Variants in PCDH15 observed in about 807,000 individuals in gnomAD.
The protein encoded by PCDH15 is protocadherin-15.
A neutral mutation model predicts 178.5 loss-of-function variants in PCDH15; 129 were observed. The ratio of observed to expected loss-of-function variants is 0.72; its 90% CI spans 0.63 to 0.84. PCDH15 has a LOEUF of 0.84. Ranked by LOEUF, PCDH15 falls within the 40% of genes least tolerant of loss-of-function variation. The pLI is 0.00. For synonymous variants in PCDH15, 800 were observed against 732.0 expected (o/e 1.09, Z -1.50); for missense variants, 2,230 against 2,099.9 (o/e 1.06, Z -1.21).
intron 23 of PCDH15, 30 bp downstream of exon 23, chr10:53,959,702 T>C (rs376878574): frequency 7.3e-5 from 111 of 1,519,476 alleles, no homozygotes; most frequent in Non-Finnish European, 9.6e-5. Context: ...AAACATTTCG[T>C]GTATTTCAAA....
In PCDH15 at chr10:55,214,303, A is replaced by AT. The variant is rs77846351; in HGVS notation, c.-155-47653dup. 2.8e-4 allele frequency among the ~76,000 whole-genome samples: 40 copies of AT among 144,946 alleles called. 1 individual carries two copies. Among genetic ancestry groups the AT allele is most frequent in the African/African-American group, 1.0e-3 (39 of 38,018 alleles). The stretch of plus-strand genomic sequence containing the variant: ...AGTCCAAATTTTATATAGCCTTATC[A>AT]TTTTTTTATTATTATTTTCATAGAC... On this transcript the variant is annotated intron_variant, in intron 1 of 5. Coordinates refer to the PCDH15 transcript ENST00000458638.
intron 1 of PCDH15, among the ~76,000 whole-genome samples, chr10:55,239,942 CA>C (rs1841495245): frequency 6.6e-6 from 1 of 151,916 alleles, no homozygotes. Flanking sequence ...ATATTCATAT[CA>C]AAAAAATTCT....
intron 16 of PCDH15, 139 bp downstream of exon 16, chr10:54,089,845 A>C (rs917720769): frequency 2.9e-6 from 2 of 685,178 alleles, no homozygotes; most frequent in African/African-American, 3.6e-5. Context: ...TTATCCTCCC[A>C]GCTACCATTA....
intron 21 of PCDH15, among the ~76,000 whole-genome samples, chr10:53,975,304 T>C (rs2090095562): frequency 6.6e-6 from 1 of 152,222 alleles, no homozygotes; most frequent in Non-Finnish European, 1.5e-5. Flanking sequence ...TACCCAGTAA[T>C]GGAATTGCTA....
chr10:53,808,337 T>C (rs2075735352), intron 37 of PCDH15: 2 of 511,406 alleles, frequency 3.9e-6, no homozygotes, highest in Admixed American at 6.3e-5. Context: ...TGTGTATATA[T>C]ATATATATAT....
intron 19 of PCDH15, among the ~76,000 whole-genome samples, chr10:54,021,267 G>A (rs1396294786): frequency 6.6e-6 from 1 of 152,036 alleles, no homozygotes; most frequent in Non-Finnish European, 1.5e-5. Flanking sequence ...ACCGAATGGA[G>A]CAAGAATGAA....
intron 3 of PCDH15, among the ~76,000 whole-genome samples, chr10:54,822,258 C>T (rs1246655397): frequency 6.6e-6 from 1 of 152,094 alleles, no homozygotes; most frequent in Admixed American, 6.6e-5. Context: ...TTCCTTTTAA[C>T]TGTATTTCTG....
rs180804907 is a variant in PCDH15, at chr10:54,020,183, A to G, written c.2751+9T>C. ...AAGCAGGCAACCAGAAGTCATCTCTAGCCCTTACCTTTACAATCACTGTGA... is the reference window on the plus strand; with the variant it reads ...AAGCAGGCAACCAGAAGTCATCTCTGGCCCTTACCTTTACAATCACTGTGA... On this transcript the variant is annotated intron_variant, in intron 20 of 37. Transcript: ENST00000644397. 163 of 1,612,516 alleles carry G rather than the reference A, an allele frequency of 1.0e-4. 1 individual carries two copies. The Admixed American group carries it at 1.2e-3, about 12-fold the overall frequency.
intron 13 of PCDH15, among the ~76,000 whole-genome samples, chr10:54,165,015 T>G (rs911814475): frequency 6.6e-6 from 1 of 152,206 alleles, no homozygotes; most frequent in Non-Finnish European, 1.5e-5. Flanking sequence ...TGATTTCTGA[T>G]GGAAAAATGA....
chr10:55,043,422 A>G (rs1840916923), intron 2 of PCDH15, among the ~76,000 whole-genome samples: 1 of 152,078 alleles, frequency 6.6e-6, no homozygotes, highest in East Asian at 1.9e-4. Flanking sequence ...AAAACAAAAT[A>G]AAACAAAAGG....
intron 23 of PCDH15, among the ~76,000 whole-genome samples, chr10:53,947,347 G>A (rs2086659664): frequency 6.6e-6 from 1 of 152,008 alleles, no homozygotes; most frequent in Non-Finnish European, 1.5e-5. Context: ...TTAAAAGCCA[G>A]GCAATTTAGG....
intron 10 of PCDH15, among the ~76,000 whole-genome samples, chr10:54,197,427 G>C (rs1016583780): frequency 3.3e-5 from 5 of 151,968 alleles, no homozygotes; most frequent in African/African-American, 1.2e-4. Flanking sequence ...AGAAAACATG[G>C]ATATAATTTA....
At chr10:54,994,180 C>T (rs973464270) in intron 2 of PCDH15, among the ~76,000 whole-genome samples, 14 of 151,944 alleles carry the variant, frequency 9.2e-5, no homozygotes, top group South Asian at 4.2e-4. Context: ...ATTTTATTAC[C>T]GCAACCTGGC....
rs574039288 is a variant in PCDH15 at position 55,478,077 on chromosome 10, A to G, written c.-156+149548T>C. Among the ~76,000 whole-genome samples, 3 of 151,952 alleles carry G rather than the reference A, an allele frequency of 2.0e-5. No homozygotes were observed. The East Asian group carries it at 5.8e-4, about 29-fold the overall frequency. On this transcript the variant is annotated intron_variant, in intron 2 of 5. Transcript: ENST00000613346. Reference sequence around the variant, plus strand: ...ATGGACTTTAAGTAAAAAAACTATAAAAAGATGGAAAAGACCACAGGTCAA... The same window carrying G: ...ATGGACTTTAAGTAAAAAAACTATAGAAAGATGGAAAAGACCACAGGTCAA...
chr10:55,425,119 AATTTT>A (rs1838720354), intron 2 of PCDH15, among the ~76,000 whole-genome samples: 1 of 137,124 alleles, frequency 7.3e-6, no homozygotes, highest in Non-Finnish European at 1.6e-5. Context: ...AAATGACTTA[AATTTT>A]GTTTTAAGAC....
At chr10:54,519,381 A>G (rs1422088894) in intron 3 of PCDH15, among the ~76,000 whole-genome samples, 1 of 152,004 alleles carries the variant, frequency 6.6e-6, no homozygotes, top group Admixed American at 6.5e-5. Flanking sequence ...ATACAAAATC[A>G]ATGTACAAAA....
chr10:54,924,603 C>T lies in PCDH15; in HGVS notation c.-79-27103G>A, dbSNP rs538413926. On this transcript the variant is annotated intron_variant, in intron 2 of 5. Transcript: ENST00000458638. The stretch of plus-strand genomic sequence containing the variant: ...TTTTTCTCCACAACCTCATTAGCAT[C>T]TGTTATTTTTTTTTACCTTTTAAAA... Among the ~76,000 whole-genome samples, 6 of 150,660 alleles carry T rather than the reference C, an allele frequency of 4.0e-5. No homozygotes were observed. The South Asian group carries it at 1.2e-3, about 31-fold the overall frequency.
chr10:54,857,884 T>C (rs1320410534), intron 3 of PCDH15, among the ~76,000 whole-genome samples: 2 of 152,234 alleles, frequency 1.3e-5, no homozygotes, highest in African/African-American at 2.4e-5. Context: ...ATACAATGTT[T>C]TGATACATGT....
chr10:54,161,825 C>T (rs979463458), intron 13 of PCDH15, among the ~76,000 whole-genome samples: 5 of 151,980 alleles, frequency 3.3e-5, no homozygotes, highest in Admixed American at 2.6e-4. Context: ...TATTTTTTCC[C>T]TGCTATATAA....
Sources: gnomAD v4.1 joint callset for allele counts (sites outside exome capture counted in the v4.1 genomes callset) on GRCh38, gnomAD v4.1.1 for gene constraint, MANE v1.5 for transcripts, NCBI Gene and HGNC (gene_info 2026-07-23, HGNC 2026-07-21) for gene names.